The following TTC28 variants were observed in gnomAD, a reference collection of about 807,000 sequenced individuals.
TTC28 encodes the protein tetratricopeptide repeat domain 28, also known as tetratricopeptide repeat protein 28.
In TTC28, 61 loss-of-function variants were observed where a neutral mutation model predicts 198.0. The observed-to-expected ratio is 0.31, with a 90% CI of 0.25 to 0.38. The LOEUF (loss-of-function observed/expected upper bound fraction) is 0.38, where lower values mean the gene tolerates loss of function less well. Among genes scored for constraint, TTC28 ranks in the 10% least tolerant of loss-of-function variants. The probability of loss-of-function intolerance (pLI) is 1.00; values close to 1 mark genes in which losing one functional copy is unlikely to be tolerated. For missense variants in TTC28, 2,678 were observed against 3,164.0 expected (o/e 0.85, Z 3.69); for synonymous variants, 1,171 against 1,297.8 (o/e 0.90, Z 2.10).
chr22:28,019,001 T>C (rs1276870837), intron 13 of TTC28, among the ~76,000 whole-genome samples: 2 of 152,210 alleles, frequency 1.3e-5, no homozygotes, highest in African/African-American at 2.4e-5. Flanking sequence ...AAGCAACCAA[T>C]TGCAACTGTC....
At chr22:28,224,168 C>T (rs750290795) in intron 5 of TTC28, among the ~76,000 whole-genome samples, 1 of 152,134 alleles carries the variant, frequency 6.6e-6, no homozygotes, top group South Asian at 2.1e-4. Flanking sequence ...GGACCCAGGA[C>T]CACATGTTAG....
At chr22:28,304,699 GGTAA>G (rs2045101229) in intron 3 of TTC28, among the ~76,000 whole-genome samples, 1 of 152,142 alleles carries the variant, frequency 6.6e-6, no homozygotes, top group Non-Finnish European at 1.5e-5. Context: ...AAGGCAAAAT[GGTAA>G]GTATGATTCT....
chr22:28,155,133 T>G (rs1943723708), intron 6 of TTC28, among the ~76,000 whole-genome samples: 1 of 152,236 alleles, frequency 6.6e-6, no homozygotes, highest in African/African-American at 2.4e-5. Context: ...GATGTTATCT[T>G]AACATTTGTT....
At chr22:28,331,653 C>T (rs2045618437) in intron 2 of TTC28, among the ~76,000 whole-genome samples, 1 of 152,068 alleles carries the variant, frequency 6.6e-6, no homozygotes. Flanking sequence ...TAAATAAGCA[C>T]TCCTGACCAC....
At chr22:28,487,000 G>A (rs2048321938) in intron 2 of TTC28, among the ~76,000 whole-genome samples, 1 of 152,140 alleles carries the variant, frequency 6.6e-6, no homozygotes, top group Admixed American at 6.5e-5. Context: ...ACCTTCTGAT[G>A]CCAAATGATC....
At chr22:28,323,905 C>G (rs1346566633) in intron 2 of TTC28, among the ~76,000 whole-genome samples, 1 of 152,090 alleles carries the variant, frequency 6.6e-6, no homozygotes, top group East Asian at 1.9e-4. Context: ...AGCTCCAATA[C>G]AGCTGGCAGC....
chr22:28,029,935 GCT>G (rs754292037), intron 13 of TTC28, among the ~76,000 whole-genome samples: 3 of 152,232 alleles, frequency 2.0e-5, no homozygotes, highest in Non-Finnish European at 4.4e-5. Flanking sequence ...TGGAAAGTCA[GCT>G]CTGAGGCTAT....
intron 2 of TTC28, among the ~76,000 whole-genome samples, chr22:28,397,626 A>T (rs942208990): frequency 1.3e-5 from 2 of 152,198 alleles, no homozygotes; most frequent in Non-Finnish European, 2.9e-5. Flanking sequence ...ACCATTACTG[A>T]TTTGTTAGTG....
At chr22:28,021,669 G>A (rs951796306) in intron 13 of TTC28, among the ~76,000 whole-genome samples, 2 of 152,114 alleles carry the variant, frequency 1.3e-5, no homozygotes, top group Admixed American at 1.3e-4. Flanking sequence ...TGATCTTAAC[G>A]CTTGAACACA....
intron 2 of TTC28, among the ~76,000 whole-genome samples, chr22:28,386,818 TTTTG>T (rs1269879977): frequency 5.9e-5 from 9 of 152,156 alleles, no homozygotes; most frequent in Admixed American, 2.0e-4. Flanking sequence ...TATAGTTTTT[TTTTG>T]TTTTTTTGTT....
chr22:28,640,995 G>C (rs1246808166), intron 1 of TTC28, among the ~76,000 whole-genome samples: 1 of 152,042 alleles, frequency 6.6e-6, no homozygotes, highest in Non-Finnish European at 1.5e-5. Context: ...ACAAAATGTG[G>C]GAAAACCATA....
intron 12 of TTC28, among the ~76,000 whole-genome samples, chr22:28,081,382 C>T (rs146921298): frequency 0.011 from 1,602 of 151,954 alleles, 9 homozygotes; most frequent in Middle Eastern, 0.024. Context: ...AAGTATGATA[C>T]CTCCAGCTTT....
intron 5 of TTC28, among the ~76,000 whole-genome samples, chr22:28,216,043 G>A (rs775302853): frequency 1.3e-5 from 2 of 152,174 alleles, no homozygotes; most frequent in African/African-American, 2.4e-5. Context: ...AGAACCTATA[G>A]GGCTAGGCAT....
intron 18 of TTC28, 171 bp downstream of exon 18, chr22:27,993,116 T>G: frequency 1.6e-6 from 1 of 637,870 alleles, no homozygotes; most frequent in East Asian, 2.8e-5. Flanking sequence ...GGCACTTGTT[T>G]CCTCCAGGTG....
chr22:28,343,528 T>C (rs2045864196), intron 2 of TTC28, among the ~76,000 whole-genome samples: 2 of 85,422 alleles, frequency 2.3e-5, no homozygotes, highest in Non-Finnish European at 5.1e-5. Context: ...AGACTCTGTC[T>C]CAAAAAAAAA....
At chr22:28,444,356 T>C (rs1411796279) in intron 2 of TTC28, among the ~76,000 whole-genome samples, 1 of 152,168 alleles carries the variant, frequency 6.6e-6, no homozygotes, top group Non-Finnish European at 1.5e-5. Flanking sequence ...ATGTGGGAGA[T>C]TATATGCAGA....
chr22:28,200,700 C>T (rs572913713), intron 5 of TTC28, among the ~76,000 whole-genome samples: 1 of 152,088 alleles, frequency 6.6e-6, no homozygotes, highest in South Asian at 2.1e-4. Context: ...GGAATACAGT[C>T]TTGAACACCT....
At chr22:28,033,554 C>T (rs1342745370) in intron 12 of TTC28, among the ~76,000 whole-genome samples, 1 of 152,170 alleles carries the variant, frequency 6.6e-6, no homozygotes, top group African/African-American at 2.4e-5. Context: ...GACTAGTATC[C>T]TTTAGTTCTC....
At position 28,306,596 on chromosome 22, in the gene TTC28, G is replaced by A. The variant is rs541533581; in HGVS notation, c.429C>T (p.Ala143=). The A allele has an allele frequency of 1.2e-5, 18 of 1,551,584 alleles. No homozygotes were observed. The highest frequency in any genetic ancestry group is 4.8e-5 in the South Asian group (4 of 84,058). ...GVALQYLGRH[A]DALAAFASGL... is the part of the protein sequence containing the mutation. ...CAGATGCAAAGGCTGCCAGGGCATC[G>A]GCATGACGTCCAAGGTACTGGAGGG... is the stretch of plus-strand genomic sequence containing the variant. Residue 143 remains alanine, a synonymous_variant, in exon 3 of 23, where the codon GCC becomes GCT. Coordinates refer to ENST00000397906, the MANE Select transcript of TTC28 (RefSeq NM_001145418.2).
Sources: allele counts gnomAD v4.1 joint callset (sites outside exome capture counted in the v4.1 genomes callset), GRCh38; gene constraint gnomAD v4.1.1; transcripts MANE v1.5; gene names NCBI Gene and HGNC (gene_info 2026-07-23, HGNC 2026-07-21).